Variants in ATE1 observed in about 807,000 individuals in gnomAD.
ATE1 encodes arginyltransferase 1.
In ATE1, 36 loss-of-function variants were observed where a neutral mutation model predicts 70.5. The observed-to-expected ratio is 0.51, with a 90% CI of 0.39 to 0.67. The LOEUF is 0.67. Among genes scored for constraint, ATE1 ranks in the 30% least tolerant of loss-of-function variants. The probability of loss-of-function intolerance (pLI) is 0.00; values close to 1 mark genes in which losing one functional copy is unlikely to be tolerated. For missense variants in ATE1, 593 were observed against 629.5 expected, an observed-to-expected ratio of 0.94 and a Z score of 0.62; for synonymous variants, 232 against 219.3, an observed-to-expected ratio of 1.06 and a Z score of -0.51.
intron 11 of ATE1, among the ~76,000 whole-genome samples, chr10:121,775,951 T>C (rs1414816988): frequency 6.6e-6 from 1 of 152,170 alleles, no homozygotes; most frequent in East Asian, 1.9e-4. Flanking sequence ...CCATCCCAAA[T>C]CCCTTCTAGT....
At chr10:121,914,053 A>G (rs746273628) in intron 3 of ATE1, among the ~76,000 whole-genome samples, 160 bp from the exon 4 acceptor site, 6 of 152,028 alleles carry the variant, frequency 3.9e-5, no homozygotes, top group Non-Finnish European at 8.8e-5. Flanking sequence ...CATCACACTA[A>G]GATTATAGTT....
At chr10:121,759,660 C>A (rs1382903477) in intron 11 of ATE1, among the ~76,000 whole-genome samples, 1 of 149,290 alleles carries the variant, frequency 6.7e-6, no homozygotes, top group Non-Finnish European at 1.5e-5. Context: ...GGAGGCAGAG[C>A]TTGCAGTGGG....
rs372601451 is a variant in ATE1, at chr10:121,888,360, C to T, written c.942+11506G>A. ...AGTGAGCCGAAATCACGCGACTGCA[C>T]TCCAGCCTGGGCGACAGAGCAAGAC... On this transcript the variant is annotated intron_variant, in intron 7 of 11. Transcript: ENST00000224652. Among the ~76,000 whole-genome samples, 7 of 152,214 alleles carry T rather than the reference C, an allele frequency of 4.6e-5. No homozygotes were observed. The East Asian group carries it at 1.4e-3, about 29-fold the overall frequency.
At chr10:121,845,847 G>A (rs1487615076) in intron 8 of ATE1, among the ~76,000 whole-genome samples, 1 of 152,120 alleles carries the variant, frequency 6.6e-6, no homozygotes, top group Non-Finnish European at 1.5e-5. Context: ...TAGATGCACA[G>A]TTACACAAAG....
intron 11 of ATE1, among the ~76,000 whole-genome samples, chr10:121,764,094 G>C (rs963772502): frequency 6.6e-6 from 1 of 151,994 alleles, no homozygotes; most frequent in Non-Finnish European, 1.5e-5. Flanking sequence ...CTCATCAACT[G>C]TAATAAATGT....
intron 4 of ATE1, among the ~76,000 whole-genome samples, chr10:121,913,121 C>T (rs1299642519): frequency 1.3e-5 from 2 of 152,102 alleles, no homozygotes; most frequent in Admixed American, 6.6e-5. Flanking sequence ...CCTCATGATC[C>T]GCCTGCCTCG....
intron 8 of ATE1, among the ~76,000 whole-genome samples, chr10:121,857,791 A>G (rs1467177746): frequency 6.6e-6 from 1 of 152,060 alleles, no homozygotes; most frequent in Non-Finnish European, 1.5e-5. Context: ...TCCATCCATA[A>G]TTTTTTTGAT....
chr10:121,782,284 G>A (rs761202441), intron 11 of ATE1, among the ~76,000 whole-genome samples: 1 of 152,120 alleles, frequency 6.6e-6, no homozygotes, highest in Non-Finnish European at 1.5e-5. Context: ...ATGATTCAAC[G>A]TTGTGTTTCT....
At chr10:121,785,617 C>G in intron 11 of ATE1, among the ~76,000 whole-genome samples, 1 of 152,210 alleles carries the variant, frequency 6.6e-6, no homozygotes, top group East Asian at 1.9e-4. Flanking sequence ...AAGAAAGAGG[C>G]CTTTAAACAG....
chr10:121,893,572 A>G (rs971755077), intron 7 of ATE1, among the ~76,000 whole-genome samples: 4 of 152,122 alleles, frequency 2.6e-5, no homozygotes, highest in Non-Finnish European at 5.9e-5. Flanking sequence ...ACATAGATAC[A>G]TGTAATATGT....
At chr10:121,798,248 A>G (rs1156314984) in intron 10 of ATE1, among the ~76,000 whole-genome samples, 2 of 152,238 alleles carry the variant, frequency 1.3e-5, no homozygotes, top group East Asian at 1.9e-4. Context: ...TTACAAGGAC[A>G]TAATCAAGAC....
intron 1 of ATE1, chr10:121,926,716 A>C: frequency 1.0e-6 from 1 of 984,980 alleles, no homozygotes; most frequent in Non-Finnish European, 1.2e-6. Flanking sequence ...AATCCACAAT[A>C]CTCTAAGGCC....
At chr10:121,847,744 G>A (rs181403233) in intron 8 of ATE1, among the ~76,000 whole-genome samples, 108 of 117,520 alleles carry the variant, frequency 9.2e-4, no homozygotes, top group African/African-American at 3.4e-3. Flanking sequence ...GGGACAGAGC[G>A]AGACTCTGTC....
chr10:121,870,364 G>A (rs1378783705), intron 7 of ATE1, among the ~76,000 whole-genome samples: 1 of 152,046 alleles, frequency 6.6e-6, no homozygotes, highest in Non-Finnish European at 1.5e-5. Context: ...ATCTTTTAAG[G>A]AGAAAAATCA....
In ATE1 at chr10:121,795,684, G is replaced by A. The variant is rs570747654; in HGVS notation, c.1258-5395C>T. ...AGTGTTTCAGATATTCTCACAAGCC[G>A]TCAAAGAATTGAGATTTATGAAATA... On this transcript the variant is annotated intron_variant, in intron 10 of 11. Transcript: ENST00000224652. Among the ~76,000 whole-genome samples the A allele has an allele frequency of 1.2e-4, 19 of 152,210 alleles. No homozygotes were observed. The South Asian group carries it at 2.1e-3, about 17-fold the overall frequency.
intron 1 of ATE1, among the ~76,000 whole-genome samples, chr10:121,925,401 T>C (rs1195748846): frequency 7.0e-6 from 1 of 142,566 alleles, no homozygotes; most frequent in Admixed American, 7.4e-5. Flanking sequence ...CACTCCAGCA[T>C]GGGCAACAAG....
chr10:121,851,621 G>A (rs4604807), intron 8 of ATE1, among the ~76,000 whole-genome samples: 13 of 152,184 alleles, frequency 8.5e-5, no homozygotes, highest in African/African-American at 2.9e-4. Flanking sequence ...AAAATTACAT[G>A]AGTAGCTAAC....
At chr10:121,811,285 G>GA (rs1947309421) in intron 10 of ATE1, among the ~76,000 whole-genome samples, 1 of 151,964 alleles carries the variant, frequency 6.6e-6, no homozygotes, top group African/African-American at 2.4e-5. Context: ...GGGAGAGAGA[G>GA]GGGGAGAAAA....
chr10:121,802,889 G>C (rs1165190254), intron 10 of ATE1, among the ~76,000 whole-genome samples: 1 of 152,152 alleles, frequency 6.6e-6, no homozygotes, highest in Admixed American at 6.5e-5. Flanking sequence ...TCCAAAAGGG[G>C]AGACAAACTT....
Sources: allele counts gnomAD v4.1 joint callset (sites outside exome capture counted in the v4.1 genomes callset), GRCh38; gene constraint gnomAD v4.1.1; transcripts MANE v1.5; gene names NCBI Gene and HGNC (gene_info 2026-07-23, HGNC 2026-07-21).